Variants in GPC5 observed in about 807,000 individuals in gnomAD.
The protein encoded by GPC5 is glypican 5.
In GPC5, 47 loss-of-function variants were observed where a neutral mutation model predicts 53.9. The ratio of observed to expected loss-of-function variants is 0.87; its 90% CI spans 0.69 to 1.11. The LOEUF is 1.11. Ranked by LOEUF, GPC5 falls within the 50% of genes most tolerant of loss-of-function variation. The pLI, the probability that GPC5 is intolerant of heterozygous loss-of-function variation, is 0.00. For synonymous variants in GPC5, 286 were observed against 263.3 expected (o/e 1.09, Z -0.84); for missense variants, 748 against 713.1 (o/e 1.05, Z -0.56).
chr13:91,670,221 T>C (rs1250412791), intron 2 of GPC5, among the ~76,000 whole-genome samples: 1 of 152,178 alleles, frequency 6.6e-6, no homozygotes, highest in African/African-American at 2.4e-5. Flanking sequence ...TCTCTGATAA[T>C]AGAGAAACAT....
intron 7 of GPC5, among the ~76,000 whole-genome samples, chr13:92,381,066 T>C (rs999837762): frequency 9.2e-5 from 14 of 152,208 alleles, no homozygotes; most frequent in Non-Finnish European, 1.9e-4. Context: ...TGTAAGTCCA[T>C]TCTTGCAGAA....
At chr13:92,262,308 T>A (rs2139142922) in intron 7 of GPC5, among the ~76,000 whole-genome samples, 1 of 151,924 alleles carries the variant, frequency 6.6e-6, no homozygotes, top group South Asian at 2.1e-4. Flanking sequence ...GGCATTCGTG[T>A]TTTACTTTTA....
chr13:92,236,336 G>A (rs536021712), intron 7 of GPC5, among the ~76,000 whole-genome samples: 124 of 152,140 alleles, frequency 8.2e-4, no homozygotes, highest in African/African-American at 2.9e-3. Flanking sequence ...TTAAAGAAGT[G>A]TTTTATGCTA....
chr13:91,410,709 T>C (rs1215887954), intron 1 of GPC5, among the ~76,000 whole-genome samples: 1 of 152,234 alleles, frequency 6.6e-6, no homozygotes, highest in Non-Finnish European at 1.5e-5. Flanking sequence ...CCTCTCAAGG[T>C]ATTAATCCTG....
At chr13:92,738,025 A>T (rs2139307057) in intron 7 of GPC5, among the ~76,000 whole-genome samples, 1 of 151,804 alleles carries the variant, frequency 6.6e-6, no homozygotes, top group Middle Eastern at 3.4e-3. Flanking sequence ...CAGCCTCCCA[A>T]AGTGCTGGGA....
chr13:92,042,810 T>A (rs188001276), intron 6 of GPC5, among the ~76,000 whole-genome samples: 1 of 149,122 alleles, frequency 6.7e-6, no homozygotes, highest in African/African-American at 2.6e-5. Flanking sequence ...CAGCTAATTA[T>A]GAATATGTTC....
intron 5 of GPC5, among the ~76,000 whole-genome samples, chr13:91,757,650 T>C (rs2037324070): frequency 6.6e-6 from 1 of 152,148 alleles, no homozygotes; most frequent in Non-Finnish European, 1.5e-5. Flanking sequence ...CTTCCCCTTA[T>C]GCCATGATTA....
At chr13:91,531,253 A>G (rs1316708542) in intron 2 of GPC5, among the ~76,000 whole-genome samples, 1 of 152,184 alleles carries the variant, frequency 6.6e-6, no homozygotes, top group Non-Finnish European at 1.5e-5. Context: ...TGATTTACAG[A>G]TAGTGGTCCA....
chr13:91,409,382 T>C (rs1566370253), intron 1 of GPC5, among the ~76,000 whole-genome samples: 1 of 152,214 alleles, frequency 6.6e-6, no homozygotes, highest in Non-Finnish European at 1.5e-5. Flanking sequence ...TACTATTTGT[T>C]AGGTGAAGCT....
chr13:91,753,445 T>C (rs2037222328), intron 4 of GPC5, among the ~76,000 whole-genome samples: 1 of 152,210 alleles, frequency 6.6e-6, no homozygotes, highest in African/African-American at 2.4e-5. Flanking sequence ...TCTGGATTCC[T>C]AATGTCTTTC....
At chr13:91,632,158 G>A (rs1008157210) in intron 2 of GPC5, among the ~76,000 whole-genome samples, 1 of 152,068 alleles carries the variant, frequency 6.6e-6, no homozygotes, top group African/African-American at 2.4e-5. Flanking sequence ...AGATTGAGTT[G>A]GCTATATCAA....
intron 7 of GPC5, among the ~76,000 whole-genome samples, chr13:92,665,630 G>A (rs771918225): frequency 6.6e-5 from 10 of 152,150 alleles, no homozygotes; most frequent in Non-Finnish European, 1.2e-4. Context: ...ATTCTGAACC[G>A]GAATATCTTA....
intron 7 of GPC5, among the ~76,000 whole-genome samples, chr13:92,272,769 G>T (rs2042849465): frequency 6.6e-6 from 1 of 152,088 alleles, no homozygotes; most frequent in Non-Finnish European, 1.5e-5. Context: ...ATGTATTACA[G>T]AACAAAGTGG....
At chr13:92,680,842 C>T (rs1027698936) in intron 7 of GPC5, among the ~76,000 whole-genome samples, 15 of 152,124 alleles carry the variant, frequency 9.9e-5, no homozygotes, top group Non-Finnish European at 1.2e-4. Context: ...CAATTATTGC[C>T]GGTGAATTTC....
intron 7 of GPC5, among the ~76,000 whole-genome samples, chr13:92,726,084 A>G (rs1161062327): frequency 1.3e-5 from 2 of 151,548 alleles, no homozygotes; most frequent in East Asian, 1.9e-4. Context: ...CAGCTGCTTC[A>G]CCAAAGAGCT....
Position 91,571,828 on chromosome 13 carries a change from T to TACGTGTGTGTATAC in GPC5, c.326-121357_326-121356insGTGTGTGTATACAC, listed in dbSNP as rs1566515542. Among the ~76,000 whole-genome samples, 35 of 64,846 alleles carry TACGTGTGTGTATAC rather than the reference T, an allele frequency of 5.4e-4. 15 individuals carry two copies. The African/African-American group carries it at 5.8e-3, about 11-fold the overall frequency. 42.5% of individuals were successfully genotyped at this position (64,846 alleles called of 152,430 possible). On this transcript the variant is annotated intron_variant, in intron 2 of 7. Transcript: ENST00000377067. ...ACACACACATACGTGTGTGTATATA[T>TACGTGTGTGTATAC]ACACATATACTTGTGTGTATATACA...
intron 5 of GPC5, among the ~76,000 whole-genome samples, chr13:91,843,943 T>C (rs9589358): frequency 0.091 from 13,881 of 152,288 alleles, 991 homozygotes; most frequent in East Asian, 0.22. Flanking sequence ...GGGATAGTTA[T>C]GCCTTTAATA....
chr13:92,275,056 A>G (rs928900349), intron 7 of GPC5, among the ~76,000 whole-genome samples: 1 of 151,968 alleles, frequency 6.6e-6, no homozygotes, highest in African/African-American at 2.4e-5. Flanking sequence ...AAGATAATAG[A>G]TGAATTTGCT....
chr13:92,458,487 C>T (rs745638701), intron 7 of GPC5, among the ~76,000 whole-genome samples: 6 of 152,062 alleles, frequency 3.9e-5, no homozygotes, highest in Non-Finnish European at 5.9e-5. Context: ...TTAGTAGAGA[C>T]GGGGTTTCAC....
Sources: allele counts gnomAD v4.1 joint callset (sites outside exome capture counted in the v4.1 genomes callset), GRCh38; gene constraint gnomAD v4.1.1; transcripts MANE v1.5; gene names NCBI Gene and HGNC (gene_info 2026-07-23, HGNC 2026-07-21).